Variants in TUSC3 observed in about 807,000 individuals in gnomAD.
TUSC3 encodes the protein tumor suppressor candidate 3, also known as dolichyl-diphosphooligosaccharide--protein glycosyltransferase subunit TUSC3.
Under a neutral mutation model 44.8 loss-of-function variants are expected in TUSC3, and 45 were observed. The observed-to-expected ratio is 1.00, with a 90% CI of 0.79 to 1.29. The LOEUF is 1.29. TUSC3 is among the 50% of genes most tolerant of loss of function. TUSC3 has a pLI of 0.00. For missense variants in TUSC3, 519 were observed against 437.9 expected (o/e 1.19, Z -1.65); for synonymous variants, 212 against 152.9 (o/e 1.39, Z -2.85).
chr8:15,779,072 A>G, the TUSC3 span, among the ~76,000 whole-genome samples: 1 of 151,216 alleles, frequency 6.6e-6, no homozygotes, highest in Non-Finnish European at 1.5e-5. Context: ...GGTAAGTACT[A>G]GAAGCAGGCC....
At chr8:15,826,937 T>C in the TUSC3 span, among the ~76,000 whole-genome samples, 146,467 of 152,236 alleles carry the variant, frequency 0.96, 70,509 homozygotes, top group African/African-American at 0.98. Context: ...CAATCCTTGA[T>C]TAAATTCTGA....
chr8:15,601,806 T>G (rs1422631859), intron 1 of TUSC3, among the ~76,000 whole-genome samples: 1 of 151,708 alleles, frequency 6.6e-6, no homozygotes, highest in African/African-American at 2.4e-5. Context: ...GAAGTAATTA[T>G]GGGTTTTGAG....
the TUSC3 span, among the ~76,000 whole-genome samples, chr8:15,779,322 C>T: frequency 0.2 from 29,866 of 152,074 alleles, 3,380 homozygotes; most frequent in Admixed American, 0.35. Context: ...CCCACCTGGG[C>T]TTCCCATAGT....
At chr8:15,493,291 C>G (rs1800834181) in intron 2 of TUSC3, among the ~76,000 whole-genome samples, 1 of 152,056 alleles carries the variant, frequency 6.6e-6, no homozygotes, top group Non-Finnish European at 1.5e-5. Flanking sequence ...GACAGGGTCT[C>G]TCTCTGTTGC....
chr8:15,550,905 C>A (rs547049186), intron 1 of TUSC3, among the ~76,000 whole-genome samples: 2 of 151,670 alleles, frequency 1.3e-5, no homozygotes, highest in African/African-American at 4.8e-5. Flanking sequence ...TTCCTAACCT[C>A]GGGTGATCTG....
intron 2 of TUSC3, among the ~76,000 whole-genome samples, chr8:15,497,577 T>C (rs1800900598): frequency 1.3e-5 from 2 of 152,008 alleles, no homozygotes; most frequent in African/African-American, 4.8e-5. Context: ...TTGAAGTGAG[T>C]TCTGGAGGGA....
At chr8:15,846,416 C>T in the TUSC3 span, among the ~76,000 whole-genome samples, 1 of 152,112 alleles carries the variant, frequency 6.6e-6, no homozygotes, top group African/African-American at 2.4e-5. Flanking sequence ...AAGACACATG[C>T]ACACATATGT....
the TUSC3 span, among the ~76,000 whole-genome samples, chr8:15,805,479 G>C: frequency 2.6e-5 from 4 of 152,074 alleles, no homozygotes; most frequent in Non-Finnish European, 5.9e-5. Flanking sequence ...GTCATAGATG[G>C]ATCTTATTAT....
the TUSC3 span, among the ~76,000 whole-genome samples, chr8:15,827,214 A>C: frequency 6.6e-6 from 1 of 152,174 alleles, no homozygotes; most frequent in African/African-American, 2.4e-5. Flanking sequence ...GCATTTGTAA[A>C]AAGGAGCATG....
At chr8:15,643,978 T>C (rs947680099) in intron 2 of TUSC3, among the ~76,000 whole-genome samples, 1 of 152,220 alleles carries the variant, frequency 6.6e-6, no homozygotes, top group Non-Finnish European at 1.5e-5. Flanking sequence ...CATACAATGG[T>C]ATTTTCATAC....
intron 1 of TUSC3, among the ~76,000 whole-genome samples, chr8:15,541,706 C>T (rs953975739): frequency 6.6e-6 from 1 of 152,016 alleles, no homozygotes; most frequent in South Asian, 2.1e-4. Context: ...ATTTAGAGAA[C>T]CACTGTTAAA....
the TUSC3 span, among the ~76,000 whole-genome samples, chr8:15,840,065 A>G: frequency 6.6e-6 from 1 of 152,206 alleles, no homozygotes; most frequent in East Asian, 1.9e-4. Flanking sequence ...TGATGAGTTC[A>G]TGTCCTTTGT....
chr8:15,503,061 CT>C (rs1372842865), intron 2 of TUSC3, among the ~76,000 whole-genome samples: 1 of 152,172 alleles, frequency 6.6e-6, no homozygotes, highest in African/African-American at 2.4e-5. Context: ...TTTATGTCCA[CT>C]TTCCCGCCAT....
At chr8:15,645,916 A>G (rs1258581260) in intron 2 of TUSC3, among the ~76,000 whole-genome samples, 1 of 152,140 alleles carries the variant, frequency 6.6e-6, no homozygotes, top group African/African-American at 2.4e-5. Context: ...GAATTCAGAA[A>G]TTCTAATGTG....
intron 1 of TUSC3, among the ~76,000 whole-genome samples, chr8:15,543,789 G>A (rs1054615442): frequency 2.0e-5 from 3 of 150,352 alleles, no homozygotes; most frequent in African/African-American, 7.3e-5. Flanking sequence ...AAATTATATG[G>A]TCTGTGGAAT....
chr8:15,693,731 A>G (rs1050224721), intron 6 of TUSC3, among the ~76,000 whole-genome samples: 1 of 152,036 alleles, frequency 6.6e-6, no homozygotes, highest in Non-Finnish European at 1.5e-5. Flanking sequence ...TGATATTCTG[A>G]AATACACTTT....
chr8:15,432,295 C>T (rs1050654717), intron 1 of TUSC3, among the ~76,000 whole-genome samples: 8 of 152,100 alleles, frequency 5.3e-5, no homozygotes, highest in Non-Finnish European at 1.0e-4. Flanking sequence ...CTCCTTACTC[C>T]TTATTCATCT....
chr8:15,805,454 G>GT, the TUSC3 span, among the ~76,000 whole-genome samples: 2 of 152,078 alleles, frequency 1.3e-5, no homozygotes, highest in South Asian at 4.1e-4. Context: ...TTAGTATGAT[G>GT]TTGGCTCTGG....
At chr8:15,606,863 T>C (rs1015288363) in intron 1 of TUSC3, among the ~76,000 whole-genome samples, 1 of 152,134 alleles carries the variant, frequency 6.6e-6, no homozygotes, top group Non-Finnish European at 1.5e-5. Context: ...AGCCATATTG[T>C]ATCCCTTGGT....
Sources: allele counts gnomAD v4.1 joint callset (sites outside exome capture counted in the v4.1 genomes callset), GRCh38; gene constraint gnomAD v4.1.1; transcripts MANE v1.5; gene names NCBI Gene and HGNC (gene_info 2026-07-23, HGNC 2026-07-21).